The following ENO4 variants were observed in gnomAD, a reference collection of about 807,000 sequenced individuals.
ENO4 encodes the protein enolase 4, also known as 2-phospho-D-glycerate hydro-lyase.
A neutral mutation model predicts 63.2 loss-of-function variants in ENO4; 53 were observed. The ratio of observed to expected loss-of-function variants is 0.84; its 90% CI spans 0.67 to 1.05. The LOEUF (loss-of-function observed/expected upper bound fraction) is 1.05, where lower values mean the gene tolerates loss of function less well. Ranked by LOEUF, ENO4 falls within the 50% of genes least tolerant of loss-of-function variation. The pLI is 0.00. For synonymous variants in ENO4, 266 were observed against 283.8 expected, an observed-to-expected ratio of 0.94 and a Z score of 0.63; for missense variants, 719 against 772.0, an observed-to-expected ratio of 0.93 and a Z score of 0.81.
rs777283894 is a variant in ENO4 at position 116,861,213 on chromosome 10, A to G, written c.936+23A>G. The G allele has an allele frequency of 4.5e-4, 464 of 1,032,054 alleles. 2 individuals carry two copies. The highest frequency in any genetic ancestry group is 5.5e-4 in the Non-Finnish European group (444 of 812,030). 63.9% of individuals were successfully genotyped at this position (1,032,054 alleles called of 1,614,324 possible). A position where few individuals can be genotyped will look rare whatever the true frequency, so the allele number is the denominator to read the frequency against. On this transcript the variant is annotated intron_variant, in intron 6 of 13. Transcript: ENST00000341276. ...CAAGTACCTTACATTATCTTAAATTACCTTTTCTAAAAAAAAAAAAAAAAT... is the reference window on the plus strand; with the variant it reads ...CAAGTACCTTACATTATCTTAAATTGCCTTTTCTAAAAAAAAAAAAAAAAT...
intron 4 of ENO4, 104 bp from the exon 5 acceptor site, chr10:116,860,690 G>A: frequency 1.1e-6 from 1 of 873,220 alleles, no homozygotes; most frequent in Non-Finnish European, 1.6e-6. Context: ...TAGAGCATTT[G>A]TTGTTCCCAG....
intron 10 of ENO4, among the ~76,000 whole-genome samples, chr10:116,905,551 C>A (rs1410871741): frequency 6.6e-6 from 1 of 152,028 alleles, no homozygotes; most frequent in Admixed American, 6.5e-5. Context: ...TGGTATTAAG[C>A]CACTTTGGGT....
chr10:116,880,563 G>A (rs1375434809), intron 13 of ENO4, among the ~76,000 whole-genome samples: 3 of 152,222 alleles, frequency 2.0e-5, no homozygotes, highest in East Asian at 1.9e-4. Context: ...GCCAAAAGGA[G>A]GCCTATAGCA....
chr10:116,904,702 G>T (rs908632490), intron 10 of ENO4, among the ~76,000 whole-genome samples: 16 of 152,088 alleles, frequency 1.1e-4, no homozygotes, highest in African/African-American at 3.6e-4. Context: ...TCTGTACTCT[G>T]AATTATTCAA....
chr10:116,849,810 C>T, intron 1 of ENO4, 79 bp downstream of exon 1: 1 of 1,413,498 alleles, frequency 7.1e-7, no homozygotes, highest in Non-Finnish European at 9.5e-7. Context: ...CTTGCGCCTG[C>T]GCCTGCGCCT....
chr10:116,900,656 G>T, intron 10 of ENO4: 1 of 1,492,318 alleles, frequency 6.7e-7, no homozygotes. Context: ...AATGTAGCCA[G>T]ATTGTTGATG....
At chr10:116,886,818 GCCAAATGCACCTA>G (rs1168188536), downstream of ENO4, among the ~76,000 whole-genome samples, 1 of 152,200 alleles carries the variant, frequency 6.6e-6, no homozygotes, top group East Asian at 1.9e-4. Context: ...GTGTTAAAAA[GCCAAATGCACCTA>G]CCTGCTTAAT....
At chr10:116,879,675 T>G (rs776483169) in intron 12 of ENO4, among the ~76,000 whole-genome samples, 194 bp from the exon 13 acceptor site, 28 of 152,202 alleles carry the variant, frequency 1.8e-4, no homozygotes, top group Admixed American at 5.9e-4. Context: ...GCCTGATGGA[T>G]AGTCAGCCAC....
At chr10:116,865,476 C>T (rs1249974613) in intron 7 of ENO4, among the ~76,000 whole-genome samples, 5 of 152,302 alleles carry the variant, frequency 3.3e-5, no homozygotes, top group South Asian at 2.1e-4. Flanking sequence ...TGAGCCACCA[C>T]GGCCAGCCAA....
At position 116,868,657 on chromosome 10, in the gene ENO4, C is replaced by G. The variant is rs1287709831; in HGVS notation, c.998C>G (p.Pro333Arg). The change falls in exon 8 of 14, where the codon CCT becomes CGT. Residue 333 changes from proline to arginine, a missense_variant. Pro to Arg is a moderately radical substitution (Grantham distance 103, BLOSUM62 -2). This residue lies in a region of ENO4 where 544 missense variants were observed against 583.6 expected (regional missense o/e 0.93). Coordinates refer to ENST00000341276, the MANE Select transcript of ENO4 (RefSeq NM_001242699.2). ...HINKIIEMPS[P>R]PKAETKKGHD... is the part of the protein sequence containing the mutation. ...TTATCTTCTGCCCCACAGCCCTCTCCTCCAAAAGCAGAGACAAAAAAAGGG... is the reference window on the plus strand; with the variant it reads ...TTATCTTCTGCCCCACAGCCCTCTCGTCCAAAAGCAGAGACAAAAAAAGGG... 1 of 1,550,510 alleles carries G rather than the reference C, an allele frequency of 6.4e-7. No individual in the cohort carries two copies. The highest frequency in any genetic ancestry group is 8.7e-7 in the Non-Finnish European group (1 of 1,146,956).
chr10:116,875,860 C>T (rs2133277306), intron 10 of ENO4, among the ~76,000 whole-genome samples: 1 of 152,298 alleles, frequency 6.6e-6, no homozygotes, highest in East Asian at 1.9e-4. Flanking sequence ...AACCTTTAAG[C>T]TCAAATTCAC....
chr10:116,855,708 C>T lies in ENO4; in HGVS notation c.251C>T (p.Thr84Ile). 1 of 1,536,582 alleles carries T rather than the reference C, an allele frequency of 6.5e-7. No homozygotes were observed. The highest frequency in any genetic ancestry group is 2.4e-5 in the East Asian group (1 of 40,908). The stretch of plus-strand genomic sequence containing the variant: ...GTACTAGATGGACTGGGGCTTCCAA[C>T]CCTGCAAGTGGACATATTCTGCACC... ...KDVLDGLGLP[T>I]LQVDIFCTIQ... Residue 84 changes from threonine (T) to isoleucine (I), a missense_variant, in exon 2 of 14, where the codon ACC becomes ATC. Physicochemically the swap from Thr to Ile is moderately conservative, Grantham distance 89. Around this residue, in one of 3 missense-constraint regions of ENO4, gnomAD observed 544 missense variants for 583.6 expected, o/e 0.93. Transcript: ENST00000341276.
chr10:116,905,006 C>T (rs1023174223), intron 10 of ENO4, among the ~76,000 whole-genome samples: 4 of 150,970 alleles, frequency 2.6e-5, no homozygotes, highest in Non-Finnish European at 4.4e-5. Flanking sequence ...TCGAGACCAT[C>T]CTGGCTAACA....
intron 8 of ENO4, 122 bp from the exon 9 acceptor site, chr10:116,871,003 T>C (rs1251917210): frequency 2.5e-6 from 2 of 799,898 alleles, no homozygotes; most frequent in Non-Finnish European, 3.9e-6. Context: ...CTAAGTAGGA[T>C]TGAGAATCAA....
At chr10:116,904,670 A>G (rs1022987203) in intron 10 of ENO4, among the ~76,000 whole-genome samples, 1 of 152,174 alleles carries the variant, frequency 6.6e-6, no homozygotes, top group South Asian at 2.1e-4. Flanking sequence ...AATTCCCACC[A>G]TGTTCATGAA....
chr10:116,883,326 G>A (rs1319168533), downstream of ENO4: 1 of 152,028 alleles, frequency 6.6e-6, no homozygotes. Flanking sequence ...TATTATCTGT[G>A]AAAGAAATGA....
In ENO4 at chr10:116,851,489, G is replaced by A. The variant is rs188059279; in HGVS notation, c.165+1758G>A. Among the ~76,000 whole-genome samples, 649 of 152,296 alleles carry A rather than the reference G, an allele frequency of 4.3e-3. 3 individuals carry two copies. Among genetic ancestry groups the A allele is most frequent in the African/African-American group, 0.015 (623 of 41,570 alleles). On this transcript the variant is annotated intron_variant, in intron 1 of 13. Coordinates refer to ENST00000341276, the MANE Select transcript of ENO4 (RefSeq NM_001242699.2). ...AGCCTCGGCAACAGAGCGAGACTCC[G>A]TCTCAAAAAGAAAAACAGAAAAAAG...
chr10:116,858,184 T>C (rs1846320289), intron 3 of ENO4, among the ~76,000 whole-genome samples: 2 of 152,186 alleles, frequency 1.3e-5, no homozygotes, highest in African/African-American at 4.8e-5. Context: ...CTCATTGTTC[T>C]CCTGTTTTTG....
chr10:116,853,056 G>T (rs1846132909), intron 1 of ENO4, among the ~76,000 whole-genome samples: 1 of 152,144 alleles, frequency 6.6e-6, no homozygotes, highest in South Asian at 2.1e-4. Context: ...AGCACTTTGG[G>T]AGGCTGAGGC....
Sources: allele counts gnomAD v4.1 joint callset (sites outside exome capture counted in the v4.1 genomes callset), GRCh38; gene constraint gnomAD v4.1.1; regional missense constraint gnomAD v4.1.1; transcripts MANE v1.5; gene names NCBI Gene and HGNC (gene_info 2026-07-23, HGNC 2026-07-21).